The following GRIN2A variants were observed in gnomAD, a reference collection of about 807,000 sequenced individuals.
GRIN2A encodes the protein glutamate ionotropic receptor NMDA type subunit 2A, also known as glutamate receptor ionotropic, NMDA 2A.
GRIN2A carries 22 observed loss-of-function variants against 113.4 expected under a neutral mutation model. The ratio of observed to expected loss-of-function variants is 0.19; its 90% confidence interval spans 0.14 to 0.28. The LOEUF is 0.28. Among genes scored for constraint, GRIN2A ranks in the 10% least tolerant of loss-of-function variants. The pLI is 1.00. For missense variants in GRIN2A, 1,502 were observed against 1,887.0 expected (o/e 0.80, Z 3.78); for synonymous variants, 827 against 738.4 (o/e 1.12, Z -1.94).
intron 11 of GRIN2A, among the ~76,000 whole-genome samples, chr16:9,788,738 T>G (rs1396775538): frequency 2.5e-5 from 3 of 121,430 alleles, no homozygotes; most frequent in African/African-American, 3.8e-5. Flanking sequence ...ACTTTAAGTC[T>G]TCTTTTTTTT....
intron 2 of GRIN2A, among the ~76,000 whole-genome samples, chr16:9,948,247 T>C (rs1161209240): frequency 6.6e-6 from 1 of 152,210 alleles, no homozygotes; most frequent in African/African-American, 2.4e-5. Context: ...CAGGGAATAT[T>C]TCTATTCCCA....
At chr16:10,160,888 A>AG (rs946969792) in intron 2 of GRIN2A, among the ~76,000 whole-genome samples, 3 of 152,216 alleles carry the variant, frequency 2.0e-5, no homozygotes, top group African/African-American at 7.2e-5. Context: ...AATTTCGCAG[A>AG]GGCACGTTCG....
Position 9,768,858 on chromosome 16 carries a change from A to T in GRIN2A, c.2588T>A (p.Ile863Asn), listed in dbSNP as rs2141149465. 6.2e-7 allele frequency: 1 copy of T among 1,612,816 alleles called. No individual in the cohort carries two copies. ...GCCACCCGGTGTACTGACCCTGCTG[A>T]TGGAGAAGAGCAACCCAGGCCGGTC... The part of the protein sequence containing the change: ...CSDRPGLLFS[I>N]SRGIYSCIHG... The change falls in exon 12 of 13, where the codon ATC becomes AAC. Residue 863 changes from isoleucine to asparagine, a missense_variant. Physicochemically the swap from Ile to Asn is moderately radical, Grantham distance 149. Around this residue, in one of 7 missense-constraint regions of GRIN2A, gnomAD observed 832 missense variants for 789.7 expected, o/e 1.05. Coordinates refer to ENST00000330684, the MANE Select transcript of GRIN2A (RefSeq NM_001134407.3).
intron 2 of GRIN2A, among the ~76,000 whole-genome samples, chr16:10,166,478 C>T (rs910566588): frequency 6.6e-6 from 1 of 152,142 alleles, no homozygotes; most frequent in Non-Finnish European, 1.5e-5. Context: ...TAGGGGCAGG[C>T]ACCCAGGACA....
At chr16:9,804,833 G>A (rs894750479) in intron 10 of GRIN2A, among the ~76,000 whole-genome samples, 4 of 152,054 alleles carry the variant, frequency 2.6e-5, no homozygotes, top group African/African-American at 7.2e-5. Context: ...CTCCATCACC[G>A]GCAGTCCTCA....
intron 8 of GRIN2A, among the ~76,000 whole-genome samples, chr16:9,830,754 T>G (rs990107003): frequency 6.6e-6 from 1 of 152,212 alleles, no homozygotes; most frequent in Non-Finnish European, 1.5e-5. Context: ...GCTGTACTTA[T>G]AATATCCATG....
At chr16:10,098,786 A>G (rs2048341301) in intron 2 of GRIN2A, among the ~76,000 whole-genome samples, 1 of 152,148 alleles carries the variant, frequency 6.6e-6, no homozygotes, top group Non-Finnish European at 1.5e-5. Flanking sequence ...GAATGACACA[A>G]TGGACGCTGG....
At chr16:9,879,259 A>G (rs549805552) in intron 4 of GRIN2A, among the ~76,000 whole-genome samples, 1 of 152,338 alleles carries the variant, frequency 6.6e-6, no homozygotes, top group Admixed American at 6.5e-5. Context: ...TTGACTTTAA[A>G]TATGGATTTG....
At chr16:10,108,695 A>G (rs898809100) in intron 2 of GRIN2A, among the ~76,000 whole-genome samples, 1 of 152,204 alleles carries the variant, frequency 6.6e-6, no homozygotes, top group African/African-American at 2.4e-5. Flanking sequence ...TAACCACTAT[A>G]GATACTGCTG....
chr16:9,765,331 C>T (rs1405157778), intron 12 of GRIN2A, among the ~76,000 whole-genome samples: 1 of 152,220 alleles, frequency 6.6e-6, no homozygotes, highest in East Asian at 1.9e-4. Flanking sequence ...TTCCCAGCAT[C>T]ATCTTTGAAA....
chr16:9,811,969 T>C (rs1473695103), intron 10 of GRIN2A, among the ~76,000 whole-genome samples: 1 of 152,172 alleles, frequency 6.6e-6, no homozygotes, highest in Non-Finnish European at 1.5e-5. Context: ...GAAGAAACAT[T>C]GCCCCTTTTG....
intron 2 of GRIN2A, among the ~76,000 whole-genome samples, chr16:10,091,776 A>G (rs1157910917): frequency 6.6e-6 from 1 of 152,236 alleles, no homozygotes; most frequent in Non-Finnish European, 1.5e-5. Context: ...TCAAGAGACT[A>G]TATATTGTAT....
chr16:9,910,335 T>TA (rs201113035), intron 3 of GRIN2A, among the ~76,000 whole-genome samples: 2,160 of 152,146 alleles, frequency 0.014, 57 homozygotes, highest in African/African-American at 0.047. Context: ...TTATACAGTT[T>TA]AAATTGTTAA....
chr16:10,070,666 A>T (rs1471148858), intron 2 of GRIN2A, among the ~76,000 whole-genome samples: 1 of 152,084 alleles, frequency 6.6e-6, no homozygotes, highest in Non-Finnish European at 1.5e-5. Context: ...GATTTTCCAG[A>T]TGATAAGTTT....
intron 3 of GRIN2A, among the ~76,000 whole-genome samples, chr16:9,932,589 T>TG (rs2044621155): frequency 3.3e-5 from 5 of 151,956 alleles, no homozygotes; most frequent in Admixed American, 3.3e-4. Flanking sequence ...TACCATGTGT[T>TG]GGCCAGGCTG....
At chr16:10,170,133 C>A (rs2050011590) in intron 2 of GRIN2A, among the ~76,000 whole-genome samples, 2 of 152,158 alleles carry the variant, frequency 1.3e-5, no homozygotes. Context: ...AAAATTCAAG[C>A]ATTTAAAAAT....
In GRIN2A at chr16:9,764,471, A is replaced by T. The variant is rs1596376846; in HGVS notation, c.3073T>A (p.Ser1025Thr). 4 of 1,613,994 alleles carry T rather than the reference A, an allele frequency of 2.5e-6. No homozygotes were observed. The highest frequency in any genetic ancestry group is 3.4e-6 in the Non-Finnish European group (4 of 1,179,980). The change falls in exon 13 of 13, where the codon TCA (serine) becomes ACA (threonine). Residue 1025 changes from serine to threonine, a missense_variant. Ser to Thr is a moderately conservative substitution (Grantham distance 58, BLOSUM62 1). Transcript: ENST00000330684. ...TGGGAGACTGGATTCTGGGATAGTG[A>T]ATCCTGGCGTATGGAATCCACGGAT... ...KKSVDSIRQD[S>T]LSQNPVSQRD...
At chr16:10,142,500 C>T (rs1312548176) in intron 2 of GRIN2A, among the ~76,000 whole-genome samples, 2 of 152,132 alleles carry the variant, frequency 1.3e-5, no homozygotes, top group Non-Finnish European at 2.9e-5. Flanking sequence ...CAAGACCAGC[C>T]TGGGCAACAC....
At chr16:10,069,439 A>G (rs536479818) in intron 2 of GRIN2A, among the ~76,000 whole-genome samples, 1 of 152,328 alleles carries the variant, frequency 6.6e-6, no homozygotes, top group Admixed American at 6.5e-5. Flanking sequence ...CAACACACAC[A>G]CCAGGCTCAA....
Sources: gnomAD v4.1 joint callset for allele counts (sites outside exome capture counted in the v4.1 genomes callset) on GRCh38, gnomAD v4.1.1 for gene constraint, gnomAD v4.1.1 regional missense constraint, MANE v1.5 for transcripts, NCBI Gene and HGNC (gene_info 2026-07-23, HGNC 2026-07-21) for gene names.